Variants in GRM5 observed in about 807,000 individuals in gnomAD.
The protein encoded by GRM5 is glutamate metabotropic receptor 5, also known as metabotropic glutamate receptor 5.
A neutral mutation model predicts 83.1 loss-of-function variants in GRM5; 19 were observed. The ratio of observed to expected loss-of-function variants is 0.23; its 90% confidence interval spans 0.16 to 0.34. The LOEUF is 0.34. Among genes scored for constraint, GRM5 ranks in the 10% least tolerant of loss-of-function variants. The pLI is 1.00. For missense variants in GRM5, 1,160 were observed against 1,588.3 expected (o/e 0.73, Z 4.58); for synonymous variants, 675 against 633.6 (o/e 1.07, Z -0.98).
intron 3 of GRM5, among the ~76,000 whole-genome samples, chr11:88,680,791 C>T (rs929072870): frequency 6.6e-6 from 1 of 152,184 alleles, no homozygotes; most frequent in Non-Finnish European, 1.5e-5. Context: ...TATTACATCA[C>T]CCTTATTGTT....
intron 3 of GRM5, among the ~76,000 whole-genome samples, chr11:88,699,101 A>G (rs1250646389): frequency 1.4e-3 from 9 of 6,636 alleles, no homozygotes; most frequent in Non-Finnish European, 0.02. Flanking sequence ...AACAAAAAAC[A>G]AAACAAAAAA....
chr11:88,921,338 C>T (rs1945689481), intron 2 of GRM5, among the ~76,000 whole-genome samples: 4 of 152,196 alleles, frequency 2.6e-5, no homozygotes, highest in South Asian at 4.1e-4. Flanking sequence ...AAATACTGGG[C>T]TTAGGCCAGG....
chr11:88,737,928 C>T (rs539718263), intron 3 of GRM5, among the ~76,000 whole-genome samples: 1 of 151,896 alleles, frequency 6.6e-6, no homozygotes, highest in Middle Eastern at 3.2e-3. Context: ...GTTCATGAAC[C>T]TTTCCAACAA....
At chr11:89,015,263 A>T (rs971777832) in intron 2 of GRM5, among the ~76,000 whole-genome samples, 2 of 152,204 alleles carry the variant, frequency 1.3e-5, no homozygotes, top group African/African-American at 4.8e-5. Context: ...ATTCTCATAC[A>T]AAAGTCAGTG....
At chr11:88,988,952 C>A (rs1020344649) in intron 2 of GRM5, among the ~76,000 whole-genome samples, 5 of 149,164 alleles carry the variant, frequency 3.4e-5, no homozygotes, top group African/African-American at 1.2e-4. Context: ...ACTGCATCAA[C>A]TAATGAGCAA....
chr11:88,753,747 T>C (rs1419794019), intron 3 of GRM5, among the ~76,000 whole-genome samples: 1 of 152,088 alleles, frequency 6.6e-6, no homozygotes, highest in Non-Finnish European at 1.5e-5. Flanking sequence ...TTCACACTGA[T>C]GATATAGGCA....
chr11:88,592,320 C>T (rs749872176), intron 6 of GRM5, among the ~76,000 whole-genome samples: 2 of 152,184 alleles, frequency 1.3e-5, no homozygotes, highest in African/African-American at 4.8e-5. Flanking sequence ...AAGTGTAGAA[C>T]ACTCTAATAA....
At chr11:88,514,332 A>C (rs1941467203) in intron 9 of GRM5, among the ~76,000 whole-genome samples, 2 of 152,174 alleles carry the variant, frequency 1.3e-5, no homozygotes, top group African/African-American at 4.8e-5. Flanking sequence ...GGGTCTGCCA[A>C]AATGACACTT....
chr11:88,978,586 C>T (rs111256271), intron 2 of GRM5, among the ~76,000 whole-genome samples: 1,555 of 146,706 alleles, frequency 0.011, 16 homozygotes, highest in Middle Eastern at 0.019. Flanking sequence ...GGGCTGCAGT[C>T]GCATGTGGCT....
intron 2 of GRM5, among the ~76,000 whole-genome samples, chr11:89,037,972 C>T (rs1248425638): frequency 4.6e-5 from 7 of 152,048 alleles, no homozygotes; most frequent in Admixed American, 4.6e-4. Flanking sequence ...TTACAAAATA[C>T]CTAACCTATG....
rs1395258596 is a variant in GRM5, at chr11:88,507,315, A to G, written c.*1277T>C. 1.3e-5 allele frequency: 2 copies of G among 152,194 alleles called. No individual in the cohort carries two copies. The highest frequency in any genetic ancestry group is 3.8e-4 in the East Asian group (2 of 5,202). 9.4% of individuals were successfully genotyped at this position (152,194 alleles called of 1,614,324 possible). A position where few individuals can be genotyped will look rare whatever the true frequency, so the allele number is the denominator to read the frequency against. Reference sequence around the variant, plus strand: ...ATATTCATTAAGGTTCCTCTTTTTTAGTATTTTGTATTGCTTTGAAAAATC... The same window carrying G: ...ATATTCATTAAGGTTCCTCTTTTTTGGTATTTTGTATTGCTTTGAAAAATC... On this transcript the variant is annotated 3_prime_UTR_variant, in exon 10 of 10. Transcript: ENST00000305447.
At chr11:88,928,724 A>G (rs1293844898) in intron 2 of GRM5, among the ~76,000 whole-genome samples, 8 of 151,938 alleles carry the variant, frequency 5.3e-5, no homozygotes, top group Non-Finnish European at 8.8e-5. Context: ...ATGTTTAGAT[A>G]TTTTATTAAA....
chr11:88,967,237 A>G (rs1047529627), intron 2 of GRM5, among the ~76,000 whole-genome samples: 20 of 132,830 alleles, frequency 1.5e-4, no homozygotes, highest in African/African-American at 4.8e-4. Flanking sequence ...GTATGTATAT[A>G]TATATATACA....
chr11:88,840,355 A>G (rs1282235887), intron 3 of GRM5, among the ~76,000 whole-genome samples: 2 of 152,166 alleles, frequency 1.3e-5, no homozygotes, highest in African/African-American at 4.8e-5. Context: ...CTTCCTCCTC[A>G]TCTGGCACTG....
At chr11:88,736,485 C>G (rs1326852760) in intron 3 of GRM5, among the ~76,000 whole-genome samples, 1 of 152,026 alleles carries the variant, frequency 6.6e-6, no homozygotes, top group East Asian at 1.9e-4. Context: ...ATGCCAGCAA[C>G]TGAATTTTGG....
intron 7 of GRM5, among the ~76,000 whole-genome samples, chr11:88,588,242 TTG>T (rs1239416886): frequency 6.6e-6 from 1 of 152,172 alleles, no homozygotes; most frequent in East Asian, 1.9e-4. Context: ...ACACTTTGAT[TTG>T]TTATTCTGTG....
chr11:88,804,688 AT>A (rs1391060629), intron 3 of GRM5, among the ~76,000 whole-genome samples: 6 of 152,080 alleles, frequency 3.9e-5, no homozygotes, highest in Non-Finnish European at 8.8e-5. Flanking sequence ...AAGTATAATA[AT>A]AATAAAATAA....
intron 3 of GRM5, among the ~76,000 whole-genome samples, chr11:88,748,186 C>A (rs1016808653): frequency 3.3e-5 from 5 of 152,110 alleles, no homozygotes; most frequent in African/African-American, 1.2e-4. Flanking sequence ...GGCTTTGGGT[C>A]TGATAAACAG....
chr11:88,836,691 A>AGGCTAAGGAT lies in GRM5; in HGVS notation c.911+13205_911+13214dup, dbSNP rs1353392203. Reference sequence around the variant, plus strand: ...ATGTCTGTAATCACAGCTACTTGGGAGGCTAAGGATGGAGAATCGCTTGAA... The same window carrying AGGCTAAGGAT: ...ATGTCTGTAATCACAGCTACTTGGGAGGCTAAGGATGGCTAAGGATGGAGAATCGCTTGAA... On this transcript the variant is annotated intron_variant, in intron 3 of 9. Coordinates refer to ENST00000305447, the MANE Select transcript of GRM5 (RefSeq NM_001143831.3). Among the ~76,000 whole-genome samples, 6 of 152,264 alleles carry AGGCTAAGGAT rather than the reference A, an allele frequency of 3.9e-5. No homozygotes were observed. The South Asian group carries it at 1.2e-3, about 32-fold the overall frequency.
Sources: gnomAD v4.1 joint callset for allele counts (sites outside exome capture counted in the v4.1 genomes callset) on GRCh38, gnomAD v4.1.1 for gene constraint, MANE v1.5 for transcripts, NCBI Gene and HGNC (gene_info 2026-07-23, HGNC 2026-07-21) for gene names.